G3BP1: variants seen among roughly 807,000 people sequenced by gnomAD.
G3BP1 encodes G3BP stress granule assembly factor 1.
In G3BP1, 35 loss-of-function variants were observed where a neutral mutation model predicts 58.6. That is an observed-to-expected ratio of 0.60 (90% CI 0.46 to 0.79). G3BP1 has a LOEUF of 0.79. Ranked by LOEUF, G3BP1 falls within the 30% of genes least tolerant of loss-of-function variation. The pLI, the probability that G3BP1 is intolerant of heterozygous loss-of-function variation, is 0.00. For missense variants in G3BP1, 523 were observed against 580.8 expected, an observed-to-expected ratio of 0.90 and a Z score of 1.02; for synonymous variants, 191 against 195.4, an observed-to-expected ratio of 0.98 and a Z score of 0.19.
At chr5:151,803,086 T>G (rs928581117) in intron 11 of G3BP1, among the ~76,000 whole-genome samples, 1 of 152,254 alleles carries the variant, frequency 6.6e-6, no homozygotes, top group Non-Finnish European at 1.5e-5. Flanking sequence ...TTAACTACTT[T>G]GGCTCTGTTA....
chr5:151,789,547 A>T (rs1355175199), intron 2 of G3BP1, among the ~76,000 whole-genome samples: 1 of 152,210 alleles, frequency 6.6e-6, no homozygotes, highest in Non-Finnish European at 1.5e-5. Flanking sequence ...TCTTAATTGC[A>T]TCAGCAGAAA....
At chr5:151,788,291 G>A (rs1417398197) in intron 2 of G3BP1, among the ~76,000 whole-genome samples, 1 of 152,074 alleles carries the variant, frequency 6.6e-6, no homozygotes, top group Non-Finnish European at 1.5e-5. Context: ...GTAGGGCATT[G>A]TAAGAGAGTT....
rs568850777 is a variant in G3BP1 at position 151,808,520 on chromosome 5, G to A, written c.*4429G>A. On this transcript the variant is annotated 3_prime_UTR_variant, in exon 12 of 12. Transcript: ENST00000356245. ...ACATTGGATTCGTCTTCTCTCCACAGTTTCTACTTGAACCTAGTAGCTTAT... is the reference window on the plus strand; with the variant it reads ...ACATTGGATTCGTCTTCTCTCCACAATTTCTACTTGAACCTAGTAGCTTAT... The A allele has an allele frequency of 1.3e-5, 2 of 152,300 alleles. No homozygotes were observed. Among genetic ancestry groups the A allele is most frequent in the South Asian group, 4.1e-4 (2 of 4,832 alleles). The allele number at this position is 152,300 out of a possible 1,614,324, so 9.4% of individuals were successfully genotyped here. A position where few individuals can be genotyped will look rare whatever the true frequency, so the allele number is the denominator to read the frequency against.
chr5:151,786,651 G>C lies in G3BP1; in HGVS notation c.31G>C (p.Val11Leu). MVMEKPSPLLVGREFVRQYYT... is the reference protein window; with the variant it reads MVMEKPSPLLLGREFVRQYYT... ...GATGGAGAAGCCTAGTCCCCTGCTG[G>C]TCGGGCGGGAATTTGTGAGACAGTA... The change falls in exon 2 of 12, where the codon GTC (valine) becomes CTC (leucine). Residue 11 changes from valine to leucine, a missense_variant. By Grantham distance (32) the Val-to-Leu change is conservative (BLOSUM62 1). Around this residue, in one of 2 missense-constraint regions of G3BP1, gnomAD observed 398 missense variants for 399.1 expected, o/e 1.00. Transcript: ENST00000356245. 6.2e-7 allele frequency: 1 copy of C among 1,613,528 alleles called. No homozygotes were observed. The highest frequency in any genetic ancestry group is 8.5e-7 in the Non-Finnish European group (1 of 1,179,492).
intron 1 of G3BP1, among the ~76,000 whole-genome samples, chr5:151,776,487 T>C (rs1292799374): frequency 6.6e-6 from 1 of 152,170 alleles, no homozygotes; most frequent in African/African-American, 2.4e-5. Flanking sequence ...TTCGAAGCCA[T>C]GGAAATAAAG....
intron 2 of G3BP1, among the ~76,000 whole-genome samples, chr5:151,789,835 A>T (rs979280067): frequency 2.0e-5 from 3 of 152,128 alleles, no homozygotes; most frequent in African/African-American, 7.2e-5. Flanking sequence ...ATCAAGTGGC[A>T]TGTAGGGGAT....
rs1763023081 is a variant in G3BP1, at chr5:151,811,854, A to G, written c.*7763A>G. ...AAGGCCATACCAAGTTTATACATAT[A>G]TACAAAGAAATTTCCATATAAAAGA... On this transcript the variant is annotated 3_prime_UTR_variant, in exon 12 of 12. Coordinates refer to ENST00000356245, the MANE Select transcript of G3BP1 (RefSeq NM_005754.3). 6.6e-6 allele frequency: 1 copy of G among 152,226 alleles called. No individual in the cohort carries two copies. Among genetic ancestry groups the G allele is most frequent in the Non-Finnish European group, 1.5e-5 (1 of 68,050 alleles). The allele number at this position is 152,226 out of a possible 1,614,324, so 9.4% of individuals were successfully genotyped here.
At chr5:151,797,509 G>C (rs1762775581) in intron 7 of G3BP1, 81 bp downstream of exon 7, 1 of 1,423,258 alleles carries the variant, frequency 7.0e-7, no homozygotes, top group Non-Finnish European at 9.5e-7. Flanking sequence ...ATTGCTGTTT[G>C]GTTGACTTGT....
intron 11 of G3BP1, 21 bp downstream of exon 11, chr5:151,800,890 A>ATTTTT: frequency 1.2e-6 from 1 of 836,574 alleles, no homozygotes; most frequent in Non-Finnish European, 1.9e-6. Context: ...TTTTGTCTTG[A>ATTTTT]TTTTTTTTTT....
rs1328831886 is a variant in G3BP1, at chr5:151,811,895, T to C, written c.*7804T>C. 1.3e-5 allele frequency: 2 copies of C among 152,210 alleles called. No individual in the cohort carries two copies. The highest frequency in any genetic ancestry group is 4.8e-5 in the African/African-American group (2 of 41,458). 9.4% of individuals were successfully genotyped at this position (152,210 alleles called of 1,614,324 possible). On this transcript the variant is annotated 3_prime_UTR_variant, in exon 12 of 12. Coordinates refer to ENST00000356245, the MANE Select transcript of G3BP1 (RefSeq NM_005754.3). ...ATATAAAAGACATACTATCACATTT[T>C]CTTCTTCATAAGGATGAGGAACTTT...
intron 1 of G3BP1, among the ~76,000 whole-genome samples, chr5:151,773,384 G>C (rs1762311644): frequency 6.6e-6 from 1 of 152,136 alleles, no homozygotes; most frequent in Non-Finnish European, 1.5e-5. Flanking sequence ...TGGTGTTGGA[G>C]ATGTGTTGGA....
At chr5:151,795,424 T>C in intron 5 of G3BP1, 55 bp from the exon 6 acceptor site, 5 of 861,980 alleles carry the variant, frequency 5.8e-6, no homozygotes, top group South Asian at 4.5e-5. Context: ...CGAAAGTTAA[T>C]GTATATGTGA....
At position 151,803,953 on chromosome 5, in the gene G3BP1, C is replaced by T. The variant is rs1011200430; in HGVS notation, c.1263C>T (p.Gly421=). The change falls in exon 12 of 12, where the codon GGC becomes GGT. Residue 421 remains glycine, a synonymous_variant. Transcript: ENST00000356245. Reference sequence around the variant, plus strand: ...AGAAGACTCGAGCTGCCAGGGAAGGCGACCGACGAGATAATCGCCTTCGGG... The same window carrying T: ...AGAAGACTCGAGCTGCCAGGGAAGGTGACCGACGAGATAATCGCCTTCGGG... ...EEKKTRAARE[G]DRRDNRLRGP... The T allele has an allele frequency of 9.9e-6, 16 of 1,613,602 alleles. No homozygotes were observed. Among genetic ancestry groups the T allele is most frequent in the African/African-American group, 2.7e-5 (2 of 74,902 alleles).
chr5:151,772,820 C>A (rs995952090), intron 1 of G3BP1, among the ~76,000 whole-genome samples: 1 of 152,240 alleles, frequency 6.6e-6, no homozygotes, highest in Non-Finnish European at 1.5e-5. Context: ...GTCTTTGCCC[C>A]CAGAGCACTT....
intron 1 of G3BP1, among the ~76,000 whole-genome samples, chr5:151,776,404 A>C (rs1360579381): frequency 6.6e-6 from 1 of 152,174 alleles, no homozygotes; most frequent in Non-Finnish European, 1.5e-5. Context: ...ATTAGGCTCT[A>C]CTTTCTAGAG....
At chr5:151,788,570 ATATGTGTGTG>A (rs1176922668) in intron 2 of G3BP1, among the ~76,000 whole-genome samples, 31 of 93,126 alleles carry the variant, frequency 3.3e-4, no homozygotes, top group Admixed American at 1.9e-3. Context: ...AGCTAAGTTT[ATATGTGTGTG>A]TGTGTGTGTG....
intron 5 of G3BP1, 79 bp downstream of exon 5, chr5:151,794,328 T>A: frequency 1.3e-6 from 1 of 767,498 alleles, no homozygotes; most frequent in South Asian, 1.5e-5. Context: ...ACTATGGGTT[T>A]CTTTACTGTT....
intron 11 of G3BP1, among the ~76,000 whole-genome samples, chr5:151,802,521 C>T (rs1762871891): frequency 6.6e-6 from 1 of 152,210 alleles, no homozygotes; most frequent in African/African-American, 2.4e-5. Context: ...CTCCTTTCAT[C>T]ACTCATTAGT....
At chr5:151,801,535 TAAC>T (rs1762849338) in intron 11 of G3BP1, among the ~76,000 whole-genome samples, 1 of 152,230 alleles carries the variant, frequency 6.6e-6, no homozygotes, top group Non-Finnish European at 1.5e-5. Flanking sequence ...GAAATTTACA[TAAC>T]AAAATTAACC....
Sources: allele counts gnomAD v4.1 joint callset (sites outside exome capture counted in the v4.1 genomes callset), GRCh38; gene constraint gnomAD v4.1.1; regional missense constraint gnomAD v4.1.1; transcripts MANE v1.5; gene names NCBI Gene and HGNC (gene_info 2026-07-23, HGNC 2026-07-21).